Variants in SAMMSON observed in about 807,000 individuals in gnomAD.
SAMMSON encodes long intergenic non-protein coding RNA 1212.
intron 4 of SAMMSON, among the ~76,000 whole-genome samples, chr3:70,167,192 T>C (rs2067640750): frequency 1.3e-5 from 2 of 152,054 alleles, no homozygotes; most frequent in Admixed American, 1.3e-4. Flanking sequence ...CATAGTCACA[T>C]GTGGCTAGTG....
chr3:70,016,569 G>T (rs2066986760), intron 3 of SAMMSON, among the ~76,000 whole-genome samples: 1 of 152,000 alleles, frequency 6.6e-6, no homozygotes, highest in African/African-American at 2.4e-5. Context: ...TTCTTTTGCT[G>T]TGCAGAAGCT....
chr3:70,350,604 A>G (rs193283322), intron 7 of SAMMSON, among the ~76,000 whole-genome samples: 11 of 152,264 alleles, frequency 7.2e-5, no homozygotes, highest in Admixed American at 7.2e-4. Context: ...TGTAAATATA[A>G]AACTATTTTA....
At chr3:70,274,563 A>C (rs2106675117) in intron 6 of SAMMSON, among the ~76,000 whole-genome samples, 1 of 152,288 alleles carries the variant, frequency 6.6e-6, no homozygotes, top group African/African-American at 2.4e-5. Context: ...CTCACTTATA[A>C]GTGGGAGCTG....
chr3:70,201,813 C>T (rs1356550121), intron 4 of SAMMSON, among the ~76,000 whole-genome samples: 1 of 152,164 alleles, frequency 6.6e-6, no homozygotes. Context: ...TGCTGGATTC[C>T]CAAGACTGGC....
chr3:70,282,059 C>T (rs1702089722), intron 6 of SAMMSON, among the ~76,000 whole-genome samples: 1 of 152,124 alleles, frequency 6.6e-6, no homozygotes, highest in Non-Finnish European at 1.5e-5. Flanking sequence ...CATATAAAGC[C>T]AATCACTGAG....
intron 3 of SAMMSON, among the ~76,000 whole-genome samples, chr3:70,021,918 T>A (rs925829776): frequency 6.6e-6 from 1 of 152,142 alleles, no homozygotes; most frequent in Admixed American, 6.6e-5. Flanking sequence ...AAGAAACCTA[T>A]GAAATCTTCA....
intron 6 of SAMMSON, among the ~76,000 whole-genome samples, chr3:70,285,403 C>T (rs1415376338): frequency 3.9e-5 from 6 of 152,084 alleles, no homozygotes; most frequent in Non-Finnish European, 8.8e-5. Context: ...GTTTTTATGG[C>T]TGCATAGTAT....
chr3:70,429,099 G>A (rs1419735868), intron 2 of SAMMSON, among the ~76,000 whole-genome samples: 1 of 152,048 alleles, frequency 6.6e-6, no homozygotes, highest in Non-Finnish European at 1.5e-5. Context: ...ATGGTTTTAG[G>A]TCTTACATTT....
chr3:70,276,067 A>G (rs1702022791), intron 6 of SAMMSON, among the ~76,000 whole-genome samples: 1 of 152,146 alleles, frequency 6.6e-6, no homozygotes, highest in South Asian at 2.1e-4. Flanking sequence ...TACTCTTTTT[A>G]ACAAAATACA....
chr3:70,399,309 C>G (rs1029787752), intron 2 of SAMMSON, among the ~76,000 whole-genome samples: 12 of 152,224 alleles, frequency 7.9e-5, no homozygotes, highest in African/African-American at 2.2e-4. Context: ...TCCAAATTTC[C>G]TCATCTGTTA....
At chr3:70,325,954 G>T (rs1234104640) in intron 7 of SAMMSON, among the ~76,000 whole-genome samples, 2 of 152,082 alleles carry the variant, frequency 1.3e-5, no homozygotes, top group African/African-American at 4.8e-5. Context: ...TTACAATCCA[G>T]TTGATTGTTA....
chr3:70,418,698 A>G (rs1485998389), intron 2 of SAMMSON, among the ~76,000 whole-genome samples: 1 of 152,130 alleles, frequency 6.6e-6, no homozygotes, highest in Admixed American at 6.5e-5. Flanking sequence ...TAGGGTTTTA[A>G]CCTAGAAAAA....
chr3:70,305,820 T>G (rs1291501721), intron 7 of SAMMSON, among the ~76,000 whole-genome samples: 1 of 152,220 alleles, frequency 6.6e-6, no homozygotes, highest in Non-Finnish European at 1.5e-5. Flanking sequence ...TTCGTCTTAT[T>G]TGAACACAAA....
At chr3:70,374,275 T>C (rs1049855941) in intron 9 of SAMMSON, among the ~76,000 whole-genome samples, 10 of 152,276 alleles carry the variant, frequency 6.6e-5, no homozygotes, top group African/African-American at 2.4e-4. Flanking sequence ...ACTGTTTGTG[T>C]CTATTGATTG....
chr3:70,399,269 C>T (rs914134871), intron 2 of SAMMSON, among the ~76,000 whole-genome samples: 1 of 152,130 alleles, frequency 6.6e-6, no homozygotes, highest in African/African-American at 2.4e-5. Context: ...CAGTTGTATA[C>T]TCCTAAGCAA....
intron 2 of SAMMSON, among the ~76,000 whole-genome samples, chr3:70,432,650 T>C (rs1335607759): frequency 1.3e-5 from 2 of 152,054 alleles, no homozygotes; most frequent in Non-Finnish European, 2.9e-5. Flanking sequence ...TGAGCCAATA[T>C]TGATGCATTA....
chr3:70,236,616 G>A (rs1701611661), intron 4 of SAMMSON, among the ~76,000 whole-genome samples: 1 of 151,696 alleles, frequency 6.6e-6, no homozygotes, highest in African/African-American at 2.4e-5. Flanking sequence ...TTTTTTCTGA[G>A]ACAGGGTCTC....
chr3:70,022,806 CA>C (rs1293138899), intron 3 of SAMMSON, among the ~76,000 whole-genome samples: 3 of 152,166 alleles, frequency 2.0e-5, no homozygotes, highest in Non-Finnish European at 2.9e-5. Flanking sequence ...TTGACTTTCT[CA>C]TTTTGAAACA....
At chr3:70,345,817 A>T (rs916588702) in intron 7 of SAMMSON, among the ~76,000 whole-genome samples, 1 of 152,116 alleles carries the variant, frequency 6.6e-6, no homozygotes, top group Non-Finnish European at 1.5e-5. Flanking sequence ...ACATGGCTTG[A>T]TAGCTTATTC....
Sources: allele counts gnomAD v4.1 joint callset (sites outside exome capture counted in the v4.1 genomes callset), GRCh38; gene constraint gnomAD v4.1.1; transcripts MANE v1.5; gene names NCBI Gene and HGNC (gene_info 2026-07-23, HGNC 2026-07-21).